Variants in SEMA3C observed in about 807,000 individuals in gnomAD.
The protein encoded by SEMA3C is semaphorin 3C.
In SEMA3C, 47 loss-of-function variants were observed where a neutral mutation model predicts 89.4. The observed-to-expected ratio is 0.53, with a 90% CI of 0.42 to 0.67. The LOEUF (loss-of-function observed/expected upper bound fraction) is 0.67, where lower values mean the gene tolerates loss of function less well. SEMA3C is among the 30% of genes least tolerant of loss of function. The probability of loss-of-function intolerance (pLI) is 0.00; values close to 1 mark genes in which losing one functional copy is unlikely to be tolerated. For synonymous variants in SEMA3C, 310 were observed against 320.2 expected, an observed-to-expected ratio of 0.97 and a Z score of 0.34; for missense variants, 839 against 929.1, an observed-to-expected ratio of 0.90 and a Z score of 1.26.
intron 2 of SEMA3C, among the ~76,000 whole-genome samples, chr7:80,868,276 AT>A (rs1292577074): frequency 6.6e-6 from 1 of 151,702 alleles, no homozygotes; most frequent in Non-Finnish European, 1.5e-5. Context: ...TTTATTCATT[AT>A]TTTTTTCTGA....
At chr7:80,916,623 G>T in intron 2 of SEMA3C, 56 bp downstream of exon 2, 1 of 1,495,296 alleles carries the variant, frequency 6.7e-7, no homozygotes, top group Non-Finnish European at 9.1e-7. Context: ...TCTGGATAAG[G>T]AAGATAACAA....
chr7:80,762,457 A>G (rs1334368143), intron 13 of SEMA3C, among the ~76,000 whole-genome samples: 2 of 152,256 alleles, frequency 1.3e-5, no homozygotes, highest in Non-Finnish European at 2.9e-5. Flanking sequence ...TTTCTGGAAT[A>G]GTACTATGCT....
At chr7:80,810,575 T>G in intron 6 of SEMA3C, 36 bp downstream of exon 6, 4 of 1,543,088 alleles carry the variant, frequency 2.6e-6, no homozygotes, top group Non-Finnish European at 3.6e-6. Flanking sequence ...CCATGTTATT[T>G]TATGTTTAAT....
rs531945870 is a variant in SEMA3C at position 80,775,264 on chromosome 7, C to T, written c.1355-10021G>A. 1.2e-3 allele frequency among the ~76,000 whole-genome samples: 183 copies of T among 152,092 alleles called. 2 individuals are homozygous for T. The highest frequency in any genetic ancestry group is 4.2e-3 in the African/African-American group (173 of 41,512). ...GGAAACTCCAAAAGGAATGAGAACC[C>T]GGTATGATTCTCTTTTTGTTAGTGC... On this transcript the variant is annotated intron_variant, in intron 12 of 17. Coordinates refer to ENST00000265361, the MANE Select transcript of SEMA3C (RefSeq NM_006379.5).
chr7:80,754,333 A>G (rs1361425000), intron 15 of SEMA3C, among the ~76,000 whole-genome samples: 1 of 152,222 alleles, frequency 6.6e-6, no homozygotes, highest in African/African-American at 2.4e-5. Context: ...ATTTCCAAGT[A>G]TAACTGTATT....
chr7:80,903,734 C>T (rs979529707), intron 2 of SEMA3C, among the ~76,000 whole-genome samples: 2 of 152,094 alleles, frequency 1.3e-5, no homozygotes, highest in Non-Finnish European at 2.9e-5. Context: ...CATCATTATG[C>T]AGTACATTAG....
At chr7:80,763,709 A>G (rs190165813) in intron 13 of SEMA3C, among the ~76,000 whole-genome samples, 6 of 152,234 alleles carry the variant, frequency 3.9e-5, no homozygotes, top group African/African-American at 1.4e-4. Context: ...AAGTGCTGCT[A>G]TATGACATTT....
chr7:80,761,478 T>C (rs1472805287), intron 14 of SEMA3C, 138 bp downstream of exon 14: 2 of 470,714 alleles, frequency 4.2e-6, no homozygotes, highest in Non-Finnish European at 7.7e-6. Context: ...AAATTAAAGG[T>C]GACTTTGCGG....
chr7:80,793,440 C>A, intron 11 of SEMA3C: 1 of 441,534 alleles, frequency 2.3e-6, no homozygotes, highest in Non-Finnish European at 4.5e-6. Context: ...CTTTGATGTG[C>A]CCAGTAGGGG....
intron 2 of SEMA3C, 26 bp downstream of exon 2, chr7:80,916,653 C>A: frequency 1.3e-6 from 2 of 1,583,980 alleles, no homozygotes; most frequent in Non-Finnish European, 1.7e-6. Flanking sequence ...TAACATTTTT[C>A]CCAGAGTGTT....
chr7:80,858,837 G>A (rs1790704878), intron 2 of SEMA3C, among the ~76,000 whole-genome samples: 1 of 152,118 alleles, frequency 6.6e-6, no homozygotes, highest in Non-Finnish European at 1.5e-5. Flanking sequence ...TTTAAATAGA[G>A]CAAGTATGAA....
At chr7:80,820,625 A>G (rs927674350) in intron 4 of SEMA3C, among the ~76,000 whole-genome samples, 7 of 152,154 alleles carry the variant, frequency 4.6e-5, no homozygotes, top group Non-Finnish European at 1.0e-4. Flanking sequence ...TATAGACCAG[A>G]CCATACACTT....
At chr7:80,813,012 C>G (rs1477389575) in intron 5 of SEMA3C, among the ~76,000 whole-genome samples, 39 of 148,058 alleles carry the variant, frequency 2.6e-4, no homozygotes, top group African/African-American at 9.5e-4. Context: ...TCGCCATGTT[C>G]CCCGGGCTGG....
chr7:80,890,140 C>T (rs1259903338), intron 2 of SEMA3C, among the ~76,000 whole-genome samples: 1 of 152,148 alleles, frequency 6.6e-6, no homozygotes. Context: ...TAATCTATCA[C>T]ATTTTCAGTA....
intron 2 of SEMA3C, among the ~76,000 whole-genome samples, chr7:80,872,395 C>T (rs1236138299): frequency 6.6e-6 from 1 of 152,128 alleles, no homozygotes; most frequent in Non-Finnish European, 1.5e-5. Context: ...TCAGGTGAAC[C>T]ATCCACCTCA....
At chr7:80,860,038 G>A (rs944196840) in intron 2 of SEMA3C, among the ~76,000 whole-genome samples, 17 of 151,752 alleles carry the variant, frequency 1.1e-4, no homozygotes, top group African/African-American at 3.4e-4. Context: ...ACTATAGAAC[G>A]ACCACTTAGC....
At chr7:80,919,253 G>GGGCGGGGCCGACCC (rs1328550814), upstream of SEMA3C, 1 of 985,134 alleles carries the variant, frequency 1.0e-6, no homozygotes, top group Admixed American at 6.2e-5. Flanking sequence ...GGGGCGGACC[G>GGGCGGGGCCGACCC]GGCGGGGCCG....
chr7:80,845,870 T>G (rs1443604534), intron 2 of SEMA3C, among the ~76,000 whole-genome samples: 1 of 152,154 alleles, frequency 6.6e-6, no homozygotes, highest in African/African-American at 2.4e-5. Context: ...ACCCAAACAC[T>G]AAACATGACC....
intron 12 of SEMA3C, among the ~76,000 whole-genome samples, chr7:80,780,230 T>C (rs1788661285): frequency 6.6e-6 from 1 of 152,182 alleles, no homozygotes; most frequent in African/African-American, 2.4e-5. Context: ...TTGGATTAAA[T>C]TGTCTCCTCC....
Sources: allele counts gnomAD v4.1 joint callset (sites outside exome capture counted in the v4.1 genomes callset), GRCh38; gene constraint gnomAD v4.1.1; transcripts MANE v1.5; gene names NCBI Gene and HGNC (gene_info 2026-07-23, HGNC 2026-07-21).